OR10J1: variants seen among roughly 807,000 people sequenced by gnomAD.
OR10J1 encodes the protein olfactory receptor 10J1.
For missense variants in OR10J1, 474 were observed against 376.6 expected (o/e 1.26, Z -2.14); for synonymous variants, 202 against 143.8 (o/e 1.40, Z -2.89).
At chr1:159,416,329 G>T in the OR10J1 span, among the ~76,000 whole-genome samples, 22 of 151,998 alleles carry the variant, frequency 1.4e-4, no homozygotes, top group East Asian at 4.3e-3. Flanking sequence ...GTCATAAGTG[G>T]CCTATATTAT....
the OR10J1 span, among the ~76,000 whole-genome samples, chr1:159,409,050 G>A: frequency 3.9e-5 from 6 of 152,084 alleles, no homozygotes; most frequent in Non-Finnish European, 8.8e-5. Context: ...TGTCCGTCAT[G>A]TACTTCCTAG....
At chr1:159,412,292 C>T in the OR10J1 span, among the ~76,000 whole-genome samples, 1 of 151,190 alleles carries the variant, frequency 6.6e-6, no homozygotes, top group African/African-American at 2.5e-5. Context: ...AATGCCATCC[C>T]CATCAAGCTA....
Position 159,439,906 on chromosome 1 carries a change from T to A in OR10J1, c.115T>A (p.Leu39Ile). The change falls in exon 1 of 1, where the codon TTA becomes ATA. Residue 39 changes from leucine (L) to isoleucine (I), a missense_variant. Physicochemically the swap from Leu to Ile is conservative, Grantham distance 5 (BLOSUM62 2). Coordinates refer to ENST00000423932, the MANE Select transcript of OR10J1 (RefSeq NM_012351.3). ...GTTCCTTGCACTATACATCTTAACC[T>A]TAGCAGGCAATATCATCATTGTGAC... ...GVFLALYILT[L>I]AGNIIIVTII... is the part of the protein sequence containing the mutation. 6.2e-7 allele frequency: 1 copy of A among 1,614,186 alleles called. No homozygotes were observed. Among genetic ancestry groups the A allele is most frequent in the Non-Finnish European group, 8.5e-7 (1 of 1,180,022 alleles).
chr1:159,417,585 G>T, the OR10J1 span, among the ~76,000 whole-genome samples: 1 of 152,124 alleles, frequency 6.6e-6, no homozygotes, highest in Non-Finnish European at 1.5e-5. Context: ...CCTCAGCCAC[G>T]TGGAACTATG....
the OR10J1 span, among the ~76,000 whole-genome samples, chr1:159,427,903 T>G: frequency 2.0e-5 from 3 of 152,132 alleles, no homozygotes. Flanking sequence ...TTTTAAAAAT[T>G]TCTTAATGTA....
the OR10J1 span, among the ~76,000 whole-genome samples, chr1:159,409,923 G>T: frequency 1.4e-4 from 22 of 152,056 alleles, no homozygotes; most frequent in South Asian, 4.6e-3. Context: ...GTTGAATTTT[G>T]TCAAAGGCCT....
chr1:159,403,306 A>T, the OR10J1 span, among the ~76,000 whole-genome samples: 2 of 152,160 alleles, frequency 1.3e-5, no homozygotes, highest in Non-Finnish European at 1.5e-5. Context: ...TAAAGTATAC[A>T]TTCGACAAAG....
rs201898028 is a variant in OR10J1, at chr1:159,440,630, T to A, written c.839T>A (p.Ile280Asn). The A allele has an allele frequency of 6.2e-7, 1 of 1,613,876 alleles. No homozygotes were observed. Among genetic ancestry groups the A allele is most frequent in the South Asian group, 1.1e-5 (1 of 91,050 alleles). ...DQLISVTYTV[I>N]TPLLNPVVYT... Reference sequence around the variant, plus strand: ...CTGATCTCGGTGACCTACACTGTCATCACTCCCCTACTGAACCCTGTGGTA... The same window carrying A: ...CTGATCTCGGTGACCTACACTGTCAACACTCCCCTACTGAACCCTGTGGTA... Residue 280 changes from isoleucine (I) to asparagine (N), a missense_variant, in exon 1 of 1, where the codon ATC (isoleucine) becomes AAC (asparagine). Coordinates refer to ENST00000423932, the MANE Select transcript of OR10J1 (RefSeq NM_012351.3).
At chr1:159,432,873 C>G (rs749490491), upstream of OR10J1, 9 of 415,564 alleles carry the variant, frequency 2.2e-5, no homozygotes, top group East Asian at 3.1e-4. Context: ...CTAATTGTCA[C>G]CACCATCCTC....
At chr1:159,413,523 G>C in the OR10J1 span, among the ~76,000 whole-genome samples, 1 of 152,084 alleles carries the variant, frequency 6.6e-6, no homozygotes, top group Non-Finnish European at 1.5e-5. Context: ...AAAATGATGA[G>C]TTCATGTCCT....
At chr1:159,439,623 A>T, upstream of OR10J1, 2 of 755,496 alleles carry the variant, frequency 2.6e-6, no homozygotes, top group Non-Finnish European at 4.3e-6. Flanking sequence ...AAAATATTTT[A>T]AGTAAAGATA....
Position 159,440,713 on chromosome 1 carries a change from T to A in OR10J1, c.922T>A (p.Phe308Ile). 1.2e-6 allele frequency: 2 copies of A among 1,608,838 alleles called. No homozygotes were observed. The highest frequency in any genetic ancestry group is 1.7e-6 in the Non-Finnish European group (2 of 1,176,036). ...DALCRAVGGK[F>I]S ...TCTGTGCAGGGCTGTTGGTGGGAAG[T>A]TTTCCTGACCATGTAGGAAGAGTTC... The change falls in exon 1 of 1, where the codon TTT (phenylalanine) becomes ATT (isoleucine). Residue 308 changes from phenylalanine to isoleucine, a missense_variant. Transcript: ENST00000423932.
the OR10J1 span, among the ~76,000 whole-genome samples, chr1:159,427,637 C>T: frequency 6.6e-5 from 10 of 151,868 alleles, no homozygotes; most frequent in Non-Finnish European, 1.2e-4. Flanking sequence ...ACAGGAAACG[C>T]TAGTAGTGAA....
At chr1:159,415,033 C>A in the OR10J1 span, among the ~76,000 whole-genome samples, 64 of 152,174 alleles carry the variant, frequency 4.2e-4, 1 homozygote, top group African/African-American at 5.8e-4. Context: ...TGTTTCTCAA[C>A]TTTTGATTGT....
chr1:159,440,672 A>G lies in OR10J1; in HGVS notation c.881A>G (p.Lys294Arg). ...CCTGTGGTATACACCCTGAGAAATA[A>G]AGAGGTCAAAGATGCTCTGTGCAGG... ...LNPVVYTLRN[K>R]EVKDALCRAV... The change falls in exon 1 of 1, where the codon AAA (lysine) becomes AGA (arginine). Residue 294 changes from lysine to arginine, a missense_variant. By Grantham distance (26) the Lys-to-Arg change is conservative (BLOSUM62 2). Coordinates refer to ENST00000423932, the MANE Select transcript of OR10J1 (RefSeq NM_012351.3). 6.2e-7 allele frequency: 1 copy of G among 1,613,886 alleles called. No individual in the cohort carries two copies. Among genetic ancestry groups the G allele is most frequent in the Non-Finnish European group, 8.5e-7 (1 of 1,179,948 alleles).
chr1:159,398,761 A>T, the OR10J1 span, among the ~76,000 whole-genome samples: 1 of 152,198 alleles, frequency 6.6e-6, no homozygotes, highest in Non-Finnish European at 1.5e-5. Flanking sequence ...ATGCCTACAG[A>T]ATCTAGAAAA....
At position 159,440,218 on chromosome 1, in the gene OR10J1, C is replaced by T. The variant is rs375512170; in HGVS notation, c.427C>T (p.Gln143Ter). ...TATTATGAACAAGAGGCTGCGTATC[C>T]AACTTGTCCTGGGGGCCTGCAGCAT... ...MVIMNKRLRI[Q>*]LVLGACSIGL... The change falls in exon 1 of 1, where the codon CAA (glutamine) becomes TAA (stop). Residue 143 changes from glutamine to a stop codon, truncating the protein, a stop_gained. Coordinates refer to ENST00000423932, the MANE Select transcript of OR10J1 (RefSeq NM_012351.3). LOFTEE classifies it low-confidence loss of function (END_TRUNC). 4 of 1,614,006 alleles carry T rather than the reference C, an allele frequency of 2.5e-6. No homozygotes were observed. The highest frequency in any genetic ancestry group is 2.5e-6 in the Non-Finnish European group (3 of 1,180,014).
chr1:159,417,790 G>A, the OR10J1 span, among the ~76,000 whole-genome samples: 3 of 152,180 alleles, frequency 2.0e-5, no homozygotes, highest in Non-Finnish European at 4.4e-5. Flanking sequence ...AAGAAGACAG[G>A]AAAATGTGGG....
the OR10J1 span, among the ~76,000 whole-genome samples, chr1:159,417,626 A>G: frequency 6.6e-6 from 1 of 152,160 alleles, no homozygotes; most frequent in Non-Finnish European, 1.5e-5. Flanking sequence ...CTTTATAATT[A>G]ACCAGTCTCA....
Sources: allele counts gnomAD v4.1 joint callset (sites outside exome capture counted in the v4.1 genomes callset), GRCh38; gene constraint gnomAD v4.1.1; transcripts MANE v1.5; gene names NCBI Gene and HGNC (gene_info 2026-07-23, HGNC 2026-07-21).